The following RASA3 variants were observed in gnomAD, a reference collection of about 807,000 sequenced individuals.
RASA3 encodes ras GTPase-activating protein 3.
A neutral mutation model predicts 110.0 loss-of-function variants in RASA3; 73 were observed. The observed-to-expected ratio is 0.66, with a 90% CI of 0.55 to 0.81. The LOEUF (loss-of-function observed/expected upper bound fraction) is 0.81, where lower values mean the gene tolerates loss of function less well. Ranked by LOEUF, RASA3 falls within the 30% of genes least tolerant of loss-of-function variation. RASA3 has a pLI of 0.00. For missense variants in RASA3, 976 were observed against 1,113.2 expected, an observed-to-expected ratio of 0.88 and a Z score of 1.75; for synonymous variants, 500 against 451.4, an observed-to-expected ratio of 1.11 and a Z score of -1.37.
intron 3 of RASA3, among the ~76,000 whole-genome samples, chr13:114,043,199 G>A (rs1303921867): frequency 6.6e-6 from 1 of 152,170 alleles, no homozygotes; most frequent in Non-Finnish European, 1.5e-5. Flanking sequence ...GCGCAAGGTC[G>A]GCCACATGAT....
intron 1 of RASA3, among the ~76,000 whole-genome samples, chr13:114,077,057 G>C (rs1389454501): frequency 6.6e-6 from 1 of 152,190 alleles, no homozygotes; most frequent in South Asian, 2.1e-4. Flanking sequence ...CTTAAAAGGA[G>C]AGAGAAAAAA....
chr13:114,102,248 C>T (rs148472692), intron 1 of RASA3, among the ~76,000 whole-genome samples: 54 of 152,204 alleles, frequency 3.5e-4, no homozygotes, highest in African/African-American at 9.1e-4. Flanking sequence ...GGGCGGTAGG[C>T]GGGCAGTGGG....
intron 18 of RASA3, among the ~76,000 whole-genome samples, chr13:114,002,593 G>A (rs1010877709): frequency 6.6e-6 from 1 of 152,240 alleles, no homozygotes; most frequent in African/African-American, 2.4e-5. Flanking sequence ...GATTTGAGTA[G>A]CAGTCTTGTT....
At chr13:114,079,312 G>A (rs553081206) in intron 1 of RASA3, among the ~76,000 whole-genome samples, 2 of 152,358 alleles carry the variant, frequency 1.3e-5, no homozygotes, top group South Asian at 2.1e-4. Flanking sequence ...GATGGCGACA[G>A]CCCCGGTGCA....
At chr13:114,098,438 G>A (rs1330462865) in intron 1 of RASA3, among the ~76,000 whole-genome samples, 3 of 152,122 alleles carry the variant, frequency 2.0e-5, no homozygotes, top group South Asian at 2.1e-4. Flanking sequence ...ACAGAGACAC[G>A]AACAGGTGAA....
intron 1 of RASA3, among the ~76,000 whole-genome samples, chr13:114,080,764 T>G (rs750440611): frequency 6.1e-4 from 60 of 98,732 alleles, no homozygotes; most frequent in Admixed American, 3.8e-3. Context: ...GCTGTGCAAA[T>G]GGCATCTGGT....
chr13:114,014,899 C>T lies in RASA3; in HGVS notation c.1405+310G>A, dbSNP rs1279995842. ...CCCTTCCCGGCCCCCCCAGAGACCACTGTGGTCGTGAACTCCAGGGCTGGG... is the reference window on the plus strand; with the variant it reads ...CCCTTCCCGGCCCCCCCAGAGACCATTGTGGTCGTGAACTCCAGGGCTGGG... On this transcript the variant is annotated intron_variant, in intron 14 of 23. Coordinates refer to ENST00000334062, the MANE Select transcript of RASA3 (RefSeq NM_007368.4). This position sits in a 1 kb window ranked among gnomAD's most constrained non-coding sequence, Gnocchi z 4.5. 6.6e-6 allele frequency among the ~76,000 whole-genome samples: 1 copy of T among 152,114 alleles called. No individual in the cohort carries two copies. Among genetic ancestry groups the T allele is most frequent in the Non-Finnish European group, 1.5e-5 (1 of 68,012 alleles).
At chr13:114,045,601 G>A (rs1338238700) in intron 3 of RASA3, among the ~76,000 whole-genome samples, 2 of 152,114 alleles carry the variant, frequency 1.3e-5, no homozygotes, top group East Asian at 3.8e-4. Context: ...CCCAAAGGAA[G>A]AAATAAAAGC....
rs1295705545 is a variant in RASA3 at position 113,979,005 on chromosome 13, G to A, written c.*342C>T. ...ACGGCCGGAGGTGCATGTCACAGTC[G>A]ACTAGACGGGCCGTGGCTCCCTGAG... On this transcript the variant is annotated 3_prime_UTR_variant, in exon 24 of 24. Transcript: ENST00000334062. 5 of 342,240 alleles carry A rather than the reference G, an allele frequency of 1.5e-5. No homozygotes were observed. The highest frequency in any genetic ancestry group is 3.4e-5 in the South Asian group (1 of 29,266). The allele number at this position is 342,240 out of a possible 1,614,324, so 21.2% of individuals were successfully genotyped here. A position where few individuals can be genotyped will look rare whatever the true frequency, so the allele number is the denominator to read the frequency against.
chr13:114,054,070 G>A (rs1170359479), intron 2 of RASA3, among the ~76,000 whole-genome samples: 1 of 152,112 alleles, frequency 6.6e-6, no homozygotes, highest in Admixed American at 6.5e-5. Flanking sequence ...AGGTTGCAGT[G>A]AGCCAAGATT....
At chr13:114,119,928 A>G (rs1594477402) in intron 1 of RASA3, among the ~76,000 whole-genome samples, 1 of 13,614 alleles carries the variant, frequency 7.3e-5, no homozygotes, top group Non-Finnish European at 1.5e-4. Context: ...CCAGGCGTCG[A>G]TCAGGGCCCT....
chr13:114,023,516 C>T (rs951948741), intron 8 of RASA3, among the ~76,000 whole-genome samples: 10 of 152,186 alleles, frequency 6.6e-5, no homozygotes, highest in East Asian at 1.9e-4. Context: ...ACAGAGGCTA[C>T]GTTCAAAAAT....
At position 114,014,801 on chromosome 13, in the gene RASA3, A is replaced by G. The variant is rs546510139; in HGVS notation, c.1405+408T>C. Among the ~76,000 whole-genome samples, 1 of 152,196 alleles carries G rather than the reference A, an allele frequency of 6.6e-6. No homozygotes were observed. The highest frequency in any genetic ancestry group is 2.4e-5 in the African/African-American group (1 of 41,538). ...CTGGGCCCTGCCAGGGTCGGCCACA[A>G]AAAGAAACCACTGGGAAAACCCAGG... is the stretch of plus-strand genomic sequence containing the variant. On this transcript the variant is annotated intron_variant, in intron 14 of 23. Coordinates refer to ENST00000334062, the MANE Select transcript of RASA3 (RefSeq NM_007368.4). The surrounding 1 kb of genome is among the most constrained non-coding windows in gnomAD (Gnocchi z 4.5).
At chr13:114,060,703 C>T (rs12184792) in intron 2 of RASA3, among the ~76,000 whole-genome samples, 1,783 of 152,316 alleles carry the variant, frequency 0.012, 27 homozygotes, top group African/African-American at 0.041. Context: ...CGCGCACGCC[C>T]GGAGCTCAGG....
In RASA3 at chr13:114,065,910, A is replaced by T. The variant is rs1412678350; in HGVS notation, c.173+7810T>A. On this transcript the variant is annotated intron_variant, in intron 2 of 23. Coordinates refer to ENST00000334062, the MANE Select transcript of RASA3 (RefSeq NM_007368.4). The surrounding 1 kb of genome is among the most constrained non-coding windows in gnomAD (Gnocchi z 4.1). ...GTGAGTCTTCAAACGGAACCCAAAG[A>T]CTCAGTGAGGAAAGCAGGCGGGCTG... 6.6e-6 allele frequency among the ~76,000 whole-genome samples: 1 copy of T among 152,088 alleles called. No individual in the cohort carries two copies. The highest frequency in any genetic ancestry group is 1.5e-5 in the Non-Finnish European group (1 of 68,002).
At chr13:114,067,724 G>A (rs936287044) in intron 2 of RASA3, among the ~76,000 whole-genome samples, 3 of 152,188 alleles carry the variant, frequency 2.0e-5, no homozygotes, top group African/African-American at 7.2e-5. Flanking sequence ...CGTGCACACA[G>A]GACGGGACGG....
chr13:114,024,301 C>T lies in RASA3; in HGVS notation c.658G>A (p.Asp220Asn). The T allele has an allele frequency of 6.8e-6, 11 of 1,614,028 alleles. No individual in the cohort carries two copies. Among genetic ancestry groups the T allele is most frequent in the Non-Finnish European group, 8.5e-6 (10 of 1,179,968 alleles). ...CACCTGATTTCGAGCTTGTCCACGT[C>T]TTCCTCCTCAAAGTCAAAGTGGGAC... Reference protein sequence around the residue: ...KKSHFDFEEEDVDKLEIRVDL... With the variant: ...KKSHFDFEEENVDKLEIRVDL... The change falls in exon 8 of 24, where the codon GAC becomes AAC. Residue 220 changes from aspartate (D) to asparagine (N), a missense_variant. Transcript: ENST00000334062.
rs368411462 is a variant in RASA3, at chr13:114,015,210, C to T, written c.1404G>A (p.Gln468=). 9.3e-6 allele frequency: 15 copies of T among 1,612,960 alleles called. No individual in the cohort carries two copies. In the African/African-American group the frequency reaches 1.6e-4, roughly 17 times the overall value. The stretch of plus-strand genomic sequence containing the variant: ...CATGAGGGTGTTCAGGGCACTCACC[C>T]TGGAAGCGCTTGGCCGCCGCCTCCC... ...SLREAAAKRF[Q]DDPDVRYTAV... The change falls in exon 14 of 24, where the codon CAG becomes CAA. Residue 468 remains glutamine (Q), a splice_region_variant and synonymous_variant. Transcript: ENST00000334062.
In RASA3 at chr13:114,041,011, A is replaced by G. The variant is rs758520697; in HGVS notation, c.361T>C (p.Ser121Pro). 3 of 1,613,658 alleles carry G rather than the reference A, an allele frequency of 1.9e-6. No homozygotes were observed. The highest frequency in any genetic ancestry group is 2.5e-6 in the Non-Finnish European group (3 of 1,180,018). Reference sequence around the variant, plus strand: ...GCCGAGAGTCTCACCTGCACTTCCGAGTCAGCGTCCACGTGCTGCAGCTGG... The same window carrying G: ...GCCGAGAGTCTCACCTGCACTTCCGGGTCAGCGTCCACGTGCTGCAGCTGG... Reference protein sequence around the residue: ...WFQLQHVDADSEVQGKVHLEL... With the variant: ...WFQLQHVDADPEVQGKVHLEL... Residue 121 changes from serine to proline, a missense_variant, in exon 4 of 24, where the codon TCG (serine) becomes CCG (proline). Physicochemically the swap from Ser to Pro is moderately conservative, Grantham distance 74. Around this residue, in one of 4 missense-constraint regions of RASA3, gnomAD observed 732 missense variants for 779.7 expected, o/e 0.94. Coordinates refer to ENST00000334062, the MANE Select transcript of RASA3 (RefSeq NM_007368.4).
Sources: gnomAD v4.1 joint callset for allele counts (sites outside exome capture counted in the v4.1 genomes callset) on GRCh38, gnomAD v4.1.1 for gene constraint, gnomAD v4.1.1 regional missense constraint, Gnocchi (gnomAD v3.1) non-coding constraint, MANE v1.5 for transcripts, NCBI Gene and HGNC (gene_info 2026-07-23, HGNC 2026-07-21) for gene names.